The following CEP128 variants were observed in gnomAD, a reference collection of about 807,000 sequenced individuals.
CEP128 encodes centrosomal protein 128kDa.
CEP128 carries 132 observed loss-of-function variants against 156.7 expected under a neutral mutation model. That is an observed-to-expected ratio of 0.84 (90% CI 0.73 to 0.97). The LOEUF is 0.97. CEP128 is among the 50% of genes least tolerant of loss of function. The probability of loss-of-function intolerance (pLI) is 0.00; values close to 1 mark genes in which losing one functional copy is unlikely to be tolerated. For synonymous variants in CEP128, 469 were observed against 448.9 expected (o/e 1.04, Z -0.57); for missense variants, 1,252 against 1,281.9 (o/e 0.98, Z 0.36).
In CEP128 at chr14:80,906,000, C is replaced by T; in HGVS notation, c.316G>A (p.Val106Ile). The stretch of plus-strand genomic sequence containing the variant: ...AGGTCACTTGCACTCAAACTTGTAA[C>T]AGAAATACTTCTCCCTCCTGAGTTT... ...LRNSGGRSIS[V>I]TSLSASDLDG... is the part of the protein sequence containing the mutation. The change falls in exon 5 of 25, where the codon GTT becomes ATT. Residue 106 changes from valine to isoleucine, a missense_variant. Transcript: ENST00000555265. 1 of 1,613,396 alleles carries T rather than the reference C, an allele frequency of 6.2e-7. No individual in the cohort carries two copies. Among genetic ancestry groups the T allele is most frequent in the Non-Finnish European group, 8.5e-7 (1 of 1,179,650 alleles).
chr14:80,612,486 T>C (rs1010261722), intron 19 of CEP128, among the ~76,000 whole-genome samples: 1 of 152,220 alleles, frequency 6.6e-6, no homozygotes, highest in African/African-American at 2.4e-5. Flanking sequence ...ATAATTCTTA[T>C]TCACTTGAAA....
chr14:80,934,192 A>C (rs1222036246), intron 2 of CEP128, among the ~76,000 whole-genome samples: 8 of 152,186 alleles, frequency 5.3e-5, no homozygotes, highest in Non-Finnish European at 1.0e-4. Context: ...TACACAAATA[A>C]TGGCCTTCAT....
At chr14:80,921,421 G>GT (rs993880595) in intron 2 of CEP128, among the ~76,000 whole-genome samples, 6 of 152,166 alleles carry the variant, frequency 3.9e-5, no homozygotes, top group African/African-American at 1.2e-4. Flanking sequence ...GTCCTCACCA[G>GT]TAAGAAGGTT....
intron 20 of CEP128, among the ~76,000 whole-genome samples, chr14:80,575,994 T>G (rs1191141477): frequency 6.6e-6 from 1 of 151,940 alleles, no homozygotes; most frequent in Non-Finnish European, 1.5e-5. Flanking sequence ...TTGCAGATAC[T>G]CTGTTCAGTG....
At chr14:80,803,090 T>A (rs1233436885) in intron 13 of CEP128, among the ~76,000 whole-genome samples, 1 of 152,216 alleles carries the variant, frequency 6.6e-6, no homozygotes. Context: ...TCCTAGTTGC[T>A]GAGACATGAA....
chr14:80,593,139 G>A (rs967697656), intron 19 of CEP128, among the ~76,000 whole-genome samples: 1 of 152,182 alleles, frequency 6.6e-6, no homozygotes, highest in Non-Finnish European at 1.5e-5. Context: ...AGTATTGGAA[G>A]TTCTGGCCAG....
intron 19 of CEP128, among the ~76,000 whole-genome samples, chr14:80,588,462 T>G (rs1226758232): frequency 6.6e-6 from 1 of 152,114 alleles, no homozygotes; most frequent in African/African-American, 2.4e-5. Context: ...ATATATTCTC[T>G]CAGGGAAGTA....
intron 9 of CEP128, among the ~76,000 whole-genome samples, 173 bp downstream of exon 9, chr14:80,862,584 G>A (rs1364481500): frequency 6.6e-6 from 1 of 152,154 alleles, no homozygotes; most frequent in East Asian, 1.9e-4. Context: ...CACATGGACA[G>A]CAAGTATGAA....
At chr14:80,566,936 A>G (rs1213008797) in intron 20 of CEP128, among the ~76,000 whole-genome samples, 1 of 151,826 alleles carries the variant, frequency 6.6e-6, no homozygotes, top group Non-Finnish European at 1.5e-5. Flanking sequence ...TGACTTAGGA[A>G]GAAAAGCCAA....
chr14:80,870,272 C>T (rs1281622742), intron 8 of CEP128, among the ~76,000 whole-genome samples: 3 of 151,900 alleles, frequency 2.0e-5, no homozygotes, highest in African/African-American at 7.3e-5. Context: ...ACCATGAGAC[C>T]AAAGACACTA....
intron 19 of CEP128, among the ~76,000 whole-genome samples, chr14:80,669,505 T>C (rs1895755084): frequency 1.3e-5 from 2 of 151,106 alleles, no homozygotes; most frequent in South Asian, 4.2e-4. Context: ...AAGGGGGCAA[T>C]GGACATGAAT....
chr14:80,605,198 T>A (rs1354278340), intron 19 of CEP128, among the ~76,000 whole-genome samples: 1 of 152,080 alleles, frequency 6.6e-6, no homozygotes, highest in East Asian at 1.9e-4. Flanking sequence ...GCTCTGAAAT[T>A]TTAGGCACTG....
rs184671418 is a variant in CEP128 at position 80,692,691 on chromosome 14, T to C, written c.2806+50384A>G. On this transcript the variant is annotated intron_variant, in intron 19 of 24. Transcript: ENST00000555265. Reference sequence around the variant, plus strand: ...TAATTTTACTGTTGGGGGCCTTAGGTTTCTAATTATAAAAAGATAGAGTTG... The same window carrying C: ...TAATTTTACTGTTGGGGGCCTTAGGCTTCTAATTATAAAAAGATAGAGTTG... Among the ~76,000 whole-genome samples the C allele has an allele frequency of 1.9e-3, 293 of 150,830 alleles. 1 individual carries two copies. The highest frequency in any genetic ancestry group is 6.6e-3 in the African/African-American group (269 of 40,928).
In CEP128 at chr14:80,559,259, A is replaced by C. The variant is rs764996117; in HGVS notation, c.2880+20T>G. On this transcript the variant is annotated intron_variant, in intron 21 of 24. Coordinates refer to ENST00000555265, the MANE Select transcript of CEP128 (RefSeq NM_152446.5). Reference sequence around the variant, plus strand: ...CAGCAGTAATTCTGATAAAAGGAGAAAGAAAATGCCCCAACTTACCGTTTC... The same window carrying C: ...CAGCAGTAATTCTGATAAAAGGAGACAGAAAATGCCCCAACTTACCGTTTC... 6.9e-6 allele frequency: 11 copies of C among 1,602,856 alleles called. No homozygotes were observed. In the South Asian group the frequency reaches 1.2e-4, roughly 18 times the overall value.
chr14:80,852,586 T>G (rs1285959676), intron 9 of CEP128, among the ~76,000 whole-genome samples: 1 of 151,832 alleles, frequency 6.6e-6, no homozygotes, highest in East Asian at 1.9e-4. Flanking sequence ...AAAATAATAC[T>G]ATTTCTAGCA....
intron 18 of CEP128, among the ~76,000 whole-genome samples, chr14:80,750,488 C>T (rs2139635970): frequency 6.6e-6 from 1 of 152,102 alleles, no homozygotes; most frequent in East Asian, 1.9e-4. Context: ...TGTTTGCTAC[C>T]AATTCAATTT....
At chr14:80,562,451 G>A (rs17110770) in intron 20 of CEP128, among the ~76,000 whole-genome samples, 24,852 of 152,016 alleles carry the variant, frequency 0.16, 2,276 homozygotes, top group East Asian at 0.19. Flanking sequence ...ATTGTAGGCT[G>A]TAAATAAAGA....
intron 19 of CEP128, among the ~76,000 whole-genome samples, chr14:80,726,891 A>T (rs1421841886): frequency 6.6e-6 from 1 of 152,214 alleles, no homozygotes; most frequent in Non-Finnish European, 1.5e-5. Context: ...TGAACAAAAT[A>T]TTTGAGAACT....
At chr14:80,754,730 C>A (rs184307540) in intron 18 of CEP128, among the ~76,000 whole-genome samples, 2 of 151,954 alleles carry the variant, frequency 1.3e-5, no homozygotes, top group Non-Finnish European at 2.9e-5. Context: ...CCAAAAGTGC[C>A]GGAATTACAG....
Sources: gnomAD v4.1 joint callset for allele counts (sites outside exome capture counted in the v4.1 genomes callset) on GRCh38, gnomAD v4.1.1 for gene constraint, MANE v1.5 for transcripts, NCBI Gene and HGNC (gene_info 2026-07-23, HGNC 2026-07-21) for gene names.